JCHAIN: variants seen among roughly 807,000 people sequenced by gnomAD.
JCHAIN encodes joining chain of multimeric IgA and IgM, also known as immunoglobulin J chain.
A neutral mutation model predicts 11.1 loss-of-function variants in JCHAIN; 5 were observed. The ratio of observed to expected loss-of-function variants is 0.45; its 90% CI spans 0.24 to 0.95. The LOEUF (loss-of-function observed/expected upper bound fraction) is 0.95. Ranked by LOEUF, JCHAIN falls within the 40% of genes least tolerant of loss-of-function variation. The probability of loss-of-function intolerance (pLI) is 0.21; values close to 1 mark genes in which losing one functional copy is unlikely to be tolerated. For synonymous variants in JCHAIN, 51 were observed against 67.8 expected, an observed-to-expected ratio of 0.75 and a Z score of 1.22; for missense variants, 165 against 192.7, an observed-to-expected ratio of 0.86 and a Z score of 0.85.
At chr4:70,659,549 CAAAAAAAAAAAAAAAAA>C (rs35627461) in intron 2 of JCHAIN, among the ~76,000 whole-genome samples, 2 of 16,552 alleles carry the variant, frequency 1.2e-4, no homozygotes, top group African/African-American at 2.8e-4. Flanking sequence ...GACTCTGTCT[CAAAAAAAAAAAAAAAAA>C]AAAAAAAAAA....
At chr4:70,658,243 A>G (rs559936524) in intron 2 of JCHAIN, among the ~76,000 whole-genome samples, 2 of 152,256 alleles carry the variant, frequency 1.3e-5, no homozygotes, top group South Asian at 2.1e-4. Context: ...CCTCTCCTAG[A>G]TTGTAACAAT....
At chr4:70,665,691 A>C (rs1739137571) in intron 1 of JCHAIN, among the ~76,000 whole-genome samples, 1 of 152,008 alleles carries the variant, frequency 6.6e-6, no homozygotes, top group Non-Finnish European at 1.5e-5. Flanking sequence ...TTAAATCATT[A>C]GAAAGTTATT....
In JCHAIN at chr4:70,665,579, A is replaced by G. The variant is rs1189465846; in HGVS notation, c.64+848T>C. 3.0e-4 allele frequency among the ~76,000 whole-genome samples: 45 copies of G among 152,064 alleles called. 1 individual carries two copies. Among genetic ancestry groups the G allele is most frequent in the Non-Finnish European group, 5.9e-5 (4 of 67,986 alleles). On this transcript the variant is annotated intron_variant, in intron 1 of 3. Transcript: ENST00000254801. ...GAAAGTATGATATTTTCAACTTTCAACTTTATAGGGTTTATAGGGAAGTAG... is the reference window on the plus strand; with the variant it reads ...GAAAGTATGATATTTTCAACTTTCAGCTTTATAGGGTTTATAGGGAAGTAG...
At chr4:70,661,274 C>A (rs941818544) in intron 2 of JCHAIN, among the ~76,000 whole-genome samples, 1 of 152,090 alleles carries the variant, frequency 6.6e-6, no homozygotes, top group African/African-American at 2.4e-5. Context: ...AGCTGTATAG[C>A]ATATAACTCT....
rs1378156490 is a variant in JCHAIN at position 70,662,121 on chromosome 4, C to T, written c.159G>A (p.Glu53=). Residue 53 remains glutamate (E), a synonymous_variant, in exon 2 of 4, where the codon GAG becomes GAA. Coordinates refer to ENST00000254801, the MANE Select transcript of JCHAIN (RefSeq NM_144646.4). The part of the protein sequence containing the change: ...RIIRSSEDPN[E]DIVERNIRII... ...TTCGGATGTTTCTCTCCACAATGTC[C>T]TCATTAGGATCTTCGGAAGAACGGA... 6.2e-7 allele frequency: 1 copy of T among 1,613,710 alleles called. No individual in the cohort carries two copies. Among genetic ancestry groups the T allele is most frequent in the East Asian group, 2.2e-5 (1 of 44,884 alleles).
At chr4:70,662,031 T>C (rs1253805054) in intron 2 of JCHAIN, 61 bp downstream of exon 2, 1 of 1,522,226 alleles carries the variant, frequency 6.6e-7, no homozygotes. Flanking sequence ...CAAACAATGC[T>C]CAGTGTCAGA....
chr4:70,662,815 C>T (rs1739087401), intron 1 of JCHAIN, among the ~76,000 whole-genome samples: 2 of 151,792 alleles, frequency 1.3e-5, no homozygotes, highest in Admixed American at 1.3e-4. Flanking sequence ...AAAAATTAGC[C>T]GGGCATGGTG....
rs75670997 is a variant in JCHAIN at position 70,655,942 on chromosome 4, C to CAA, written c.*385_*386dup. On this transcript the variant is annotated 3_prime_UTR_variant, in exon 4 of 4. Transcript: ENST00000254801. Reference sequence around the variant, plus strand: ...AAGCTCTGGCTCTCCAAGGCAAAGTCAAAAAAAAAAAAAAAAGCGGGGGGG... The same window carrying CAA: ...AAGCTCTGGCTCTCCAAGGCAAAGTCAAAAAAAAAAAAAAAAAAGCGGGGGGG... The CAA allele has an allele frequency of 1.4e-4, 10 of 69,388 alleles. No homozygotes were observed. The highest frequency in any genetic ancestry group is 5.3e-4 in the South Asian group (1 of 1,890). 4.3% of individuals were successfully genotyped at this position (69,388 alleles called of 1,614,324 possible).
In JCHAIN at chr4:70,655,960, CG is replaced by C. The variant is rs778456955; in HGVS notation, c.*368del. The C allele has an allele frequency of 3.3e-5, 5 of 150,108 alleles. No homozygotes were observed. Among genetic ancestry groups the C allele is most frequent in the Non-Finnish European group, 5.8e-5 (4 of 69,382 alleles). 9.3% of individuals were successfully genotyped at this position (150,108 alleles called of 1,614,324 possible). ...GCAAAGTCAAAAAAAAAAAAAAAAG[CG>C]GGGGGGAATGCGAGGAACATTTTAT... On this transcript the variant is annotated 3_prime_UTR_variant, in exon 4 of 4. Coordinates refer to ENST00000254801, the MANE Select transcript of JCHAIN (RefSeq NM_144646.4).
intron 2 of JCHAIN, among the ~76,000 whole-genome samples, chr4:70,657,705 G>C (rs773678809): frequency 2.6e-5 from 4 of 152,016 alleles, no homozygotes; most frequent in Non-Finnish European, 4.4e-5. Flanking sequence ...TTGCTTCCCT[G>C]GGCTATGTAA....
intron 3 of JCHAIN, among the ~76,000 whole-genome samples, chr4:70,656,940 T>A (rs1335885673): frequency 6.6e-6 from 1 of 152,180 alleles, no homozygotes; most frequent in Non-Finnish European, 1.5e-5. Flanking sequence ...TCAAATCCAC[T>A]TATTGAACTA....
Position 70,656,245 on chromosome 4 carries a change from C to A in JCHAIN, c.*84G>T. The A allele has an allele frequency of 1.9e-5, 17 of 895,792 alleles. No homozygotes were observed. The highest frequency in any genetic ancestry group is 2.8e-5 in the Admixed American group (1 of 36,268). The allele number at this position is 895,792 out of a possible 1,614,324, so 55.5% of individuals were successfully genotyped here. On this transcript the variant is annotated 3_prime_UTR_variant, in exon 4 of 4. Coordinates refer to ENST00000254801, the MANE Select transcript of JCHAIN (RefSeq NM_144646.4). ...AAAAAAAAAGCCCTGGTTTCAAATT[C>A]ATTGGTAATAAATATGCTAACTTTC...
At position 70,657,257 on chromosome 4, in the gene JCHAIN, G is replaced by A; in HGVS notation, c.223C>T (p.Pro75Ser). The A allele has an allele frequency of 1.2e-6, 2 of 1,604,578 alleles. No homozygotes were observed. The highest frequency in any genetic ancestry group is 2.2e-5 in the East Asian group (1 of 44,716). Reference protein sequence around the residue: ...PLNNRENISDPTSPLRTRFVY... With the variant: ...PLNNRENISDSTSPLRTRFVY... ...AATCTGGTTCTCAATGGTGAGGTGG[G>A]ATCAGAGATATTCTCCCTGTTGTTC... Residue 75 changes from proline (P) to serine (S), a missense_variant, in exon 3 of 4, where the codon CCC (proline) becomes TCC (serine). Transcript: ENST00000254801.
intron 2 of JCHAIN, among the ~76,000 whole-genome samples, 200 bp downstream of exon 2, chr4:70,661,892 T>G (rs964806767): frequency 3.6e-4 from 55 of 152,266 alleles, no homozygotes; most frequent in African/African-American, 1.3e-3. Context: ...GATTTTAGAT[T>G]GGCTGTAATC....
chr4:70,659,308 G>A (rs1739010129), intron 2 of JCHAIN, among the ~76,000 whole-genome samples: 1 of 151,926 alleles, frequency 6.6e-6, no homozygotes, highest in Admixed American at 6.5e-5. Flanking sequence ...CCAGCACTTT[G>A]GGAGGCTGAG....
At chr4:70,665,037 G>C (rs543508328) in intron 1 of JCHAIN, among the ~76,000 whole-genome samples, 1 of 152,260 alleles carries the variant, frequency 6.6e-6, no homozygotes, top group South Asian at 2.1e-4. Flanking sequence ...TTTATTCCAA[G>C]AGCATCTGAC....
Position 70,656,263 on chromosome 4 carries a change from T to C in JCHAIN, c.*66A>G. On this transcript the variant is annotated 3_prime_UTR_variant, in exon 4 of 4. Transcript: ENST00000254801. ...TCAAATTCATTGGTAATAAATATGCTAACTTTCTGAATCAAAATGGAGAGC... is the reference window on the plus strand; with the variant it reads ...TCAAATTCATTGGTAATAAATATGCCAACTTTCTGAATCAAAATGGAGAGC... 1.7e-6 allele frequency: 2 copies of C among 1,165,188 alleles called. No homozygotes were observed. Among genetic ancestry groups the C allele is most frequent in the Non-Finnish European group, 1.3e-6 (1 of 796,676 alleles). 72.2% of individuals were successfully genotyped at this position (1,165,188 alleles called of 1,614,324 possible).
chr4:70,660,092 G>A (rs377073697), intron 2 of JCHAIN, among the ~76,000 whole-genome samples: 7 of 152,104 alleles, frequency 4.6e-5, no homozygotes, highest in East Asian at 1.9e-4. Context: ...AGGTTTAAAC[G>A]TAAGATAGAC....
Position 70,666,423 on chromosome 4 carries a change from A to G in JCHAIN, c.64+4T>C. Reference sequence around the variant, plus strand: ...TCTGGGATCATTTTCTAAATATCACATACCTTTCACATGAACAGCCTTAAT... The same window carrying G: ...TCTGGGATCATTTTCTAAATATCACGTACCTTTCACATGAACAGCCTTAAT... On this transcript the variant is annotated splice_donor_region_variant and intron_variant, in intron 1 of 3. Coordinates refer to ENST00000254801, the MANE Select transcript of JCHAIN (RefSeq NM_144646.4). 6.3e-7 allele frequency: 1 copy of G among 1,598,390 alleles called. No individual in the cohort carries two copies. The highest frequency in any genetic ancestry group is 1.7e-5 in the Admixed American group (1 of 59,968).
Sources: gnomAD v4.1 joint callset for allele counts (sites outside exome capture counted in the v4.1 genomes callset) on GRCh38, gnomAD v4.1.1 for gene constraint, MANE v1.5 for transcripts, NCBI Gene and HGNC (gene_info 2026-07-23, HGNC 2026-07-21) for gene names.